SRGAP2B: variants seen among roughly 807,000 people sequenced by gnomAD.
The protein encoded by SRGAP2B is SLIT-ROBO Rho GTPase-activating protein 2B.
A neutral mutation model predicts 22.2 loss-of-function variants in SRGAP2B; 9 were observed. The observed-to-expected ratio is 0.41, with a 90% confidence interval of 0.24 to 0.71. SRGAP2B has a LOEUF of 0.71. Ranked by LOEUF, SRGAP2B falls within the 30% of genes least tolerant of loss-of-function variation. SRGAP2B has a pLI of 0.35. For missense variants in SRGAP2B, 114 were observed against 235.8 expected, an observed-to-expected ratio of 0.48 and a Z score of 3.38; for synonymous variants, 36 against 87.4, an observed-to-expected ratio of 0.41 and a Z score of 3.28.
intron 2 of SRGAP2B, among the ~76,000 whole-genome samples, chr1:145,066,642 T>C (rs1201467913): frequency 1.3e-5 from 2 of 151,534 alleles, no homozygotes; most frequent in Non-Finnish European, 2.9e-5. Context: ...TAAACGTAAC[T>C]TACTGTGAGC....
intron 4 of SRGAP2B, chr1:144,918,454 T>TA (rs1664028452): frequency 6.9e-6 from 1 of 145,220 alleles, no homozygotes. Context: ...GAGGGGCTGA[T>TA]CAGAAGACAA....
intron 3 of SRGAP2B, among the ~76,000 whole-genome samples, chr1:144,964,661 GAC>G (rs1484077964): frequency 6.6e-6 from 1 of 151,138 alleles, no homozygotes; most frequent in African/African-American, 2.5e-5. Flanking sequence ...CTATGCTTAA[GAC>G]ACAGAGTCTA....
At chr1:144,966,779 T>A (rs1668115988) in intron 3 of SRGAP2B, among the ~76,000 whole-genome samples, 1 of 147,352 alleles carries the variant, frequency 6.8e-6, no homozygotes, top group African/African-American at 2.7e-5. Context: ...AGGCTGAAAA[T>A]AAAAGGATGG....
Position 144,999,942 on chromosome 1 carries a change from A to T in SRGAP2B, c.68-4742T>A, listed in dbSNP as rs1229769560. On this transcript the variant is annotated intron_variant, in intron 2 of 9. Transcript: ENST00000612199. Reference sequence around the variant, plus strand: ...ACTTTAAAAGAGTGAATTTTACAGTATGTGAATTATATCTCACTGAAAAAA... The same window carrying T: ...ACTTTAAAAGAGTGAATTTTACAGTTTGTGAATTATATCTCACTGAAAAAA... Among the ~76,000 whole-genome samples, 16 of 150,076 alleles carry T rather than the reference A, an allele frequency of 1.1e-4. 1 individual carries two copies. The highest frequency in any genetic ancestry group is 2.6e-4 in the Admixed American group (4 of 15,122).
rs1274845765 is a variant in SRGAP2B at position 144,932,559 on chromosome 1, C to T, written c.424-17805G>A. Among the ~76,000 whole-genome samples the T allele has an allele frequency of 5.4e-5, 8 of 148,634 alleles. 1 individual carries two copies. The highest frequency in any genetic ancestry group is 4.7e-4 in the Admixed American group (7 of 14,988). On this transcript the variant is annotated intron_variant, in intron 4 of 9. Transcript: ENST00000612199. ...GTAAACCCTAGGCATAAAGAGTGGA[C>T]TAGCTCTGTGGTATGTTTTTATAAT...
chr1:145,063,832 C>CATGAAAT (rs1651187306), intron 2 of SRGAP2B, among the ~76,000 whole-genome samples: 2 of 149,854 alleles, frequency 1.3e-5, no homozygotes, highest in African/African-American at 2.5e-5. Context: ...CCCAGGTGAC[C>CATGAAAT]AGCAGCATCC....
chr1:145,083,103 G>A (rs9286581), intron 2 of SRGAP2B, among the ~76,000 whole-genome samples: 11 of 144,808 alleles, frequency 7.6e-5, no homozygotes, highest in Admixed American at 4.0e-4. Context: ...TGCTGAGAGC[G>A]TACTGATGAA....
At chr1:144,925,792 AAAG>A (rs1214347058) in intron 4 of SRGAP2B, among the ~76,000 whole-genome samples, 44 of 88,966 alleles carry the variant, frequency 4.9e-4, no homozygotes, top group South Asian at 6.5e-4. Flanking sequence ...AGAAAGAAAG[AAAG>A]GAGAGAGAAA....
intron 4 of SRGAP2B, chr1:144,917,336 G>A (rs1663928253): frequency 1.6e-5 from 1 of 62,158 alleles, no homozygotes; most frequent in African/African-American, 9.0e-5. Context: ...CTCACTCTGA[G>A]CCCCAGAGTC....
chr1:144,988,428 TTGCTCTTACAGA>T (rs2102107193), intron 3 of SRGAP2B, among the ~76,000 whole-genome samples: 1 of 145,936 alleles, frequency 6.9e-6, no homozygotes, highest in Admixed American at 6.8e-5. Flanking sequence ...CAATAAGAAA[TTGCTCTTACAGA>T]TCTTCTACTT....
chr1:144,972,216 AC>A (rs1668578503), intron 3 of SRGAP2B, among the ~76,000 whole-genome samples: 2 of 116,860 alleles, frequency 1.7e-5, no homozygotes, highest in African/African-American at 7.2e-5. Flanking sequence ...ACTGGGCCAC[AC>A]CCCAGTCACT....
chr1:144,911,967 T>C (rs1205093683), intron 5 of SRGAP2B, among the ~76,000 whole-genome samples: 3 of 139,528 alleles, frequency 2.2e-5, no homozygotes, highest in Non-Finnish European at 4.5e-5. Flanking sequence ...TTTTTTTTTT[T>C]TGAGACAGAG....
intron 3 of SRGAP2B, among the ~76,000 whole-genome samples, chr1:144,984,367 A>AC (rs1173413858): frequency 0.063 from 8,878 of 140,818 alleles, 448 homozygotes; most frequent in Middle Eastern, 0.12. Context: ...AACAACAACA[A>AC]AAAAAAAAAA....
chr1:144,898,838 CAACTT>C (rs1332159037), intron 7 of SRGAP2B, among the ~76,000 whole-genome samples: 1 of 143,864 alleles, frequency 7.0e-6, no homozygotes, highest in African/African-American at 2.7e-5. Context: ...ACAGCAGTTA[CAACTT>C]AACTAGAGGC....
chr1:145,067,277 A>C (rs1187858341), intron 2 of SRGAP2B, among the ~76,000 whole-genome samples: 2,467 of 148,374 alleles, frequency 0.017, 187 homozygotes, highest in African/African-American at 0.06. Flanking sequence ...CAACAGAACA[A>C]GACTCTGTCT....
intron 4 of SRGAP2B, among the ~76,000 whole-genome samples, chr1:144,927,326 T>C (rs1664808772): frequency 6.6e-6 from 1 of 150,476 alleles, no homozygotes; most frequent in Non-Finnish European, 1.5e-5. Flanking sequence ...GGGATCATTT[T>C]CCTTCTGCCT....
intron 4 of SRGAP2B, among the ~76,000 whole-genome samples, chr1:144,945,860 G>A (rs1289049115): frequency 1.5e-5 from 1 of 67,344 alleles, no homozygotes; most frequent in Non-Finnish European, 2.9e-5. Context: ...TGGAGAGAAG[G>A]AGGGTTCATG....
intron 3 of SRGAP2B, among the ~76,000 whole-genome samples, chr1:144,956,121 ATT>A (rs1553610256): frequency 1.3e-5 from 2 of 150,498 alleles, no homozygotes; most frequent in African/African-American, 5.0e-5. Context: ...CCACTAAGTC[ATT>A]TGGTTTGTCC....
chr1:144,973,247 T>C (rs1189316440), intron 3 of SRGAP2B, among the ~76,000 whole-genome samples: 1 of 147,860 alleles, frequency 6.8e-6, no homozygotes, highest in African/African-American at 2.7e-5. Context: ...GTATAAAATA[T>C]GGAGATTCAT....
Sources: allele counts gnomAD v4.1 joint callset (sites outside exome capture counted in the v4.1 genomes callset), GRCh38; gene constraint gnomAD v4.1.1; transcripts MANE v1.5; gene names NCBI Gene and HGNC (gene_info 2026-07-23, HGNC 2026-07-21).